Variants in CAMTA1 observed in about 807,000 individuals in gnomAD.
CAMTA1 encodes calmodulin-binding transcription activator 1.
Under a neutral mutation model 170.9 loss-of-function variants are expected in CAMTA1, and 27 were observed. The observed-to-expected ratio is 0.16, with a 90% CI of 0.12 to 0.22. The LOEUF is 0.22. Among genes scored for constraint, CAMTA1 ranks in the 10% least tolerant of loss-of-function variants. The pLI is 1.00. For synonymous variants in CAMTA1, 833 were observed against 891.5 expected (o/e 0.93, Z 1.17); for missense variants, 1,619 against 2,217.2 (o/e 0.73, Z 5.42).
At chr1:7,301,912 C>T (rs1001325800) in intron 5 of CAMTA1, among the ~76,000 whole-genome samples, 1 of 152,152 alleles carries the variant, frequency 6.6e-6, no homozygotes, top group Non-Finnish European at 1.5e-5. Flanking sequence ...GGCCCCTGGG[C>T]CTGGCCCCCT....
intron 5 of CAMTA1, among the ~76,000 whole-genome samples, chr1:7,380,733 A>G (rs753755523): frequency 6.6e-6 from 1 of 152,236 alleles, no homozygotes; most frequent in Non-Finnish European, 1.5e-5. Context: ...TGGAGCCAAG[A>G]TAACAAACAG....
Position 7,050,612 on chromosome 1 carries a change from T to A in CAMTA1, c.235-40692T>A, listed in dbSNP as rs1450423926. ...TATCTGTCTCGGCAGTACCAGGCTATTTGAACATGTCTTTGTAGGTTTATC... is the reference window on the plus strand; with the variant it reads ...TATCTGTCTCGGCAGTACCAGGCTAATTGAACATGTCTTTGTAGGTTTATC... On this transcript the variant is annotated intron_variant, in intron 3 of 22. Transcript: ENST00000303635. The surrounding 1 kb of genome is among the most constrained non-coding windows in gnomAD (Gnocchi z 4.8). Among the ~76,000 whole-genome samples the A allele has an allele frequency of 1.3e-5, 2 of 152,180 alleles. No individual in the cohort carries two copies. The highest frequency in any genetic ancestry group is 4.8e-5 in the African/African-American group (2 of 41,432).
At chr1:7,271,813 G>A (rs1015543921) in intron 5 of CAMTA1, among the ~76,000 whole-genome samples, 2 of 151,834 alleles carry the variant, frequency 1.3e-5, no homozygotes, top group African/African-American at 2.4e-5. Flanking sequence ...TAGAATAAAA[G>A]GATTATAAAA....
chr1:7,312,970 T>G (rs895450924), intron 5 of CAMTA1, among the ~76,000 whole-genome samples: 4 of 152,240 alleles, frequency 2.6e-5, no homozygotes, highest in African/African-American at 9.6e-5. Flanking sequence ...CCTACATTTA[T>G]TTATTTCTAT....
chr1:7,081,457 G>A (rs1379782044), intron 3 of CAMTA1, among the ~76,000 whole-genome samples: 2 of 152,188 alleles, frequency 1.3e-5, no homozygotes, highest in Non-Finnish European at 2.9e-5. Context: ...ATAGAAGTTG[G>A]GGCAGTCTTG....
chr1:7,042,692 T>C (rs1260820042), intron 3 of CAMTA1, among the ~76,000 whole-genome samples: 2 of 152,224 alleles, frequency 1.3e-5, no homozygotes, highest in African/African-American at 4.8e-5. Flanking sequence ...AAGCATCATC[T>C]GAGAAGCCCT....
chr1:6,892,597 C>CTTTTTTTTTTT (rs70984032), intron 3 of CAMTA1, among the ~76,000 whole-genome samples: 2 of 120,876 alleles, frequency 1.7e-5, no homozygotes, highest in Non-Finnish European at 3.4e-5. Flanking sequence ...TTTTTCTTTT[C>CTTTTTTTTTTT]TTTTTTTTTT....
intron 4 of CAMTA1, among the ~76,000 whole-genome samples, chr1:7,242,354 G>A (rs1013570419): frequency 1.3e-5 from 2 of 152,184 alleles, no homozygotes; most frequent in African/African-American, 2.4e-5. Flanking sequence ...AAATGGTGCT[G>A]CCATGTTGGA....
intron 3 of CAMTA1, among the ~76,000 whole-genome samples, chr1:6,850,709 T>G (rs1660052733): frequency 6.6e-6 from 1 of 152,232 alleles, no homozygotes; most frequent in African/African-American, 2.4e-5. Context: ...TGCAGTCATT[T>G]CTTTCCCAGA....
At chr1:6,789,980 T>A (rs551555540) in intron 1 of CAMTA1, among the ~76,000 whole-genome samples, 1 of 151,668 alleles carries the variant, frequency 6.6e-6, no homozygotes, top group Non-Finnish European at 1.5e-5. Flanking sequence ...CGGCTAATTT[T>A]TTTTTGCATT....
At position 7,642,540 on chromosome 1, in the gene CAMTA1, G is replaced by GCA. The variant is rs2095771920; in HGVS notation, c.664+1989_664+1990dup. ...GGGGGCACCTCACTATGCAGGGCTG[G>GCA]CACCGGACACTGGGTCCTGCCTAGA... On this transcript the variant is annotated intron_variant, in intron 7 of 22. Coordinates refer to ENST00000303635, the MANE Select transcript of CAMTA1 (RefSeq NM_015215.4). This position sits in a 1 kb window ranked among gnomAD's most constrained non-coding sequence, Gnocchi z 6.3. Among the ~76,000 whole-genome samples the GCA allele has an allele frequency of 6.6e-6, 1 of 152,170 alleles. No homozygotes were observed. Among genetic ancestry groups the GCA allele is most frequent in the African/African-American group, 2.4e-5 (1 of 41,436 alleles).
chr1:7,756,377 A>C (rs1479010324), intron 22 of CAMTA1, among the ~76,000 whole-genome samples: 2 of 152,192 alleles, frequency 1.3e-5, no homozygotes, highest in Non-Finnish European at 2.9e-5. Context: ...ACATAACAAG[A>C]GCAGGGATTC....
intron 6 of CAMTA1, among the ~76,000 whole-genome samples, chr1:7,632,001 A>ACCCAGTGTCG (rs1301062243): frequency 4.5e-4 from 69 of 152,106 alleles, no homozygotes; most frequent in African/African-American, 1.7e-3. Context: ...GCCCTGTGCC[A>ACCCAGTGTCG]CCCAGTGTCG....
chr1:7,429,200 C>G (rs1356988273), intron 5 of CAMTA1, among the ~76,000 whole-genome samples: 2 of 152,184 alleles, frequency 1.3e-5, no homozygotes, highest in African/African-American at 4.8e-5. Context: ...GCATCCGTTT[C>G]CATACTGGAT....
chr1:7,538,420 C>G (rs899124230), intron 6 of CAMTA1, among the ~76,000 whole-genome samples: 2 of 152,076 alleles, frequency 1.3e-5, no homozygotes, highest in African/African-American at 4.8e-5. Context: ...GGGGCCACAG[C>G]GGGGGGATCA....
chr1:7,484,868 C>T (rs1050522107), intron 6 of CAMTA1, among the ~76,000 whole-genome samples: 7 of 152,168 alleles, frequency 4.6e-5, no homozygotes, highest in East Asian at 1.9e-4. Flanking sequence ...TAGAGCCGCC[C>T]GTGCTGAGCT....
At chr1:7,247,644 T>A (rs1453452373) in intron 4 of CAMTA1, among the ~76,000 whole-genome samples, 2 of 152,186 alleles carry the variant, frequency 1.3e-5, no homozygotes, top group African/African-American at 4.8e-5. Flanking sequence ...CCTGTTTCAT[T>A]AAACAAGTTC....
chr1:7,224,230 G>A lies in CAMTA1; in HGVS notation c.303-25261G>A, dbSNP rs1459600217. 1.3e-5 allele frequency among the ~76,000 whole-genome samples: 2 copies of A among 152,152 alleles called. No homozygotes were observed. The highest frequency in any genetic ancestry group is 2.1e-4 in the South Asian group (1 of 4,836). On this transcript the variant is annotated intron_variant, in intron 4 of 22. Coordinates refer to ENST00000303635, the MANE Select transcript of CAMTA1 (RefSeq NM_015215.4). This position sits in a 1 kb window ranked among gnomAD's most constrained non-coding sequence, Gnocchi z 5.2. ...TAGGTCTTGTCAGTCTCCTTTTACT[G>A]CAGGAGAGGCTGCAGGCTTAGCTGG... is the stretch of plus-strand genomic sequence containing the variant.
chr1:7,588,328 G>A lies in CAMTA1; in HGVS notation c.511-52072G>A, dbSNP rs2095328072. 6.6e-6 allele frequency among the ~76,000 whole-genome samples: 1 copy of A among 152,220 alleles called. No homozygotes were observed. Among genetic ancestry groups the A allele is most frequent in the South Asian group, 2.1e-4 (1 of 4,836 alleles). ...GGTCTGTCAGGTCTGGTGAGAGGTG[G>A]CTCTGCAGTCTGGAGCCCTTTGCTC... On this transcript the variant is annotated intron_variant, in intron 6 of 22. Coordinates refer to ENST00000303635, the MANE Select transcript of CAMTA1 (RefSeq NM_015215.4). The surrounding 1 kb of genome is among the most constrained non-coding windows in gnomAD (Gnocchi z 5.8).
Sources: gnomAD v4.1 joint callset for allele counts (sites outside exome capture counted in the v4.1 genomes callset) on GRCh38, gnomAD v4.1.1 for gene constraint, Gnocchi (gnomAD v3.1) non-coding constraint, MANE v1.5 for transcripts, NCBI Gene and HGNC (gene_info 2026-07-23, HGNC 2026-07-21) for gene names.